Variants in CERS3 observed in about 807,000 individuals in gnomAD.
The protein encoded by CERS3 is ceramide synthase 3.
CERS3 carries 33 observed loss-of-function variants against 50.3 expected under a neutral mutation model. That is an observed-to-expected ratio of 0.66 (90% CI 0.50 to 0.88). The LOEUF (loss-of-function observed/expected upper bound fraction) is 0.88. CERS3 is among the 40% of genes least tolerant of loss of function. The pLI, the probability that CERS3 is intolerant of heterozygous loss-of-function variation, is 0.00. For missense variants in CERS3, 470 were observed against 460.3 expected, an observed-to-expected ratio of 1.02 and a Z score of -0.19; for synonymous variants, 176 against 155.2, an observed-to-expected ratio of 1.13 and a Z score of -0.99.
At chr15:100,473,105 T>A (rs753276178) in intron 8 of CERS3, 53 bp from the exon 9 acceptor site, 11 of 1,544,866 alleles carry the variant, frequency 7.1e-6, no homozygotes, top group Non-Finnish European at 9.6e-6. Flanking sequence ...TATTTCCCAA[T>A]CACTGGAAGA....
At chr15:100,470,463 GGTTGGT>G (rs1314329748) in intron 9 of CERS3, among the ~76,000 whole-genome samples, 8 of 152,184 alleles carry the variant, frequency 5.3e-5, no homozygotes, top group African/African-American at 1.7e-4. Context: ...GACATAGAGA[GGTTGGT>G]GTGCCTGGTG....
At chr15:100,434,780 G>A (rs781737963) in intron 11 of CERS3, among the ~76,000 whole-genome samples, 11 of 152,152 alleles carry the variant, frequency 7.2e-5, no homozygotes, top group South Asian at 2.1e-4. Context: ...CCTGTGCCCC[G>A]GTCTAAAGTT....
At chr15:100,404,915 G>C (rs2030870515) in intron 11 of CERS3, among the ~76,000 whole-genome samples, 1 of 152,190 alleles carries the variant, frequency 6.6e-6, no homozygotes, top group Non-Finnish European at 1.5e-5. Context: ...CTGGACATCT[G>C]TAAGCAAATA....
upstream of CERS3, among the ~76,000 whole-genome samples, chr15:100,530,913 T>G (rs143460611): frequency 3.2e-3 from 494 of 152,022 alleles, 2 homozygotes; most frequent in African/African-American, 0.011. Flanking sequence ...TGAAACCCTA[T>G]CTCTATTAAA....
At chr15:100,517,877 A>C (rs73475738) in intron 2 of CERS3, among the ~76,000 whole-genome samples, 2,710 of 152,316 alleles carry the variant, frequency 0.018, 90 homozygotes, top group African/African-American at 0.062. Context: ...ATATAGTCTC[A>C]ACTGCTTTCT....
At chr15:100,516,408 T>G (rs1471731528) in intron 2 of CERS3, among the ~76,000 whole-genome samples, 1 of 152,176 alleles carries the variant, frequency 6.6e-6, no homozygotes. Flanking sequence ...TCTCTGAATC[T>G]TTGTTTACTG....
intron 2 of CERS3, among the ~76,000 whole-genome samples, chr15:100,513,533 T>C (rs2036406640): frequency 1.7e-5 from 1 of 58,732 alleles, no homozygotes; most frequent in South Asian, 6.0e-4. Context: ...AGTTCTTGTT[T>C]TCTTTTCTTT....
chr15:100,483,800 A>T (rs1284466771), intron 5 of CERS3, among the ~76,000 whole-genome samples: 10 of 4,202 alleles, frequency 2.4e-3, no homozygotes, highest in East Asian at 0.028. Context: ...TTTTTTTTTG[A>T]GACAGAGTCT....
intron 11 of CERS3, among the ~76,000 whole-genome samples, chr15:100,406,269 A>T (rs1000191670): frequency 2.0e-5 from 3 of 152,226 alleles, no homozygotes; most frequent in Admixed American, 1.3e-4. Context: ...CCAGCTTAGA[A>T]AAGAAAAAAA....
intron 2 of CERS3, among the ~76,000 whole-genome samples, chr15:100,502,251 G>GAAAAAAAAAAAAAAA (rs58654483): frequency 1.8e-4 from 20 of 113,696 alleles, no homozygotes; most frequent in African/African-American, 2.7e-4. Flanking sequence ...CTCAAAAAAA[G>GAAAAAAAAAAAAAAA]AAAAAAAAAA....
chr15:100,511,231 G>T (rs1033570029), intron 2 of CERS3, among the ~76,000 whole-genome samples: 3 of 152,140 alleles, frequency 2.0e-5, no homozygotes, highest in Admixed American at 6.5e-5. Context: ...GGAGGTTGTA[G>T]TGAGCCAAGA....
At chr15:100,453,110 A>AG (rs2034233222) in intron 11 of CERS3, among the ~76,000 whole-genome samples, 1 of 152,014 alleles carries the variant, frequency 6.6e-6, no homozygotes, top group African/African-American at 2.4e-5. Flanking sequence ...CTATTCAAAA[A>AG]AAAAAATTAA....
chr15:100,479,217 A>T (rs775356707), intron 7 of CERS3, among the ~76,000 whole-genome samples: 7 of 152,142 alleles, frequency 4.6e-5, no homozygotes, highest in Non-Finnish European at 1.0e-4. Flanking sequence ...TGGTAGATTT[A>T]AACCCAAATA....
chr15:100,534,668 A>C (rs1290955361), intron 1 of CERS3, among the ~76,000 whole-genome samples: 2 of 59,676 alleles, frequency 3.4e-5, no homozygotes, highest in Non-Finnish European at 9.9e-5. Context: ...AAAAGAATGC[A>C]ACTCAAATTG....
chr15:100,517,370 ACCCT>A (rs2036521774), intron 2 of CERS3, among the ~76,000 whole-genome samples: 2 of 152,114 alleles, frequency 1.3e-5, no homozygotes, highest in Non-Finnish European at 2.9e-5. Context: ...TTCCTACAAT[ACCCT>A]GATCAGGGTT....
intron 1 of CERS3, among the ~76,000 whole-genome samples, chr15:100,543,132 G>A (rs1440878418): frequency 6.6e-6 from 1 of 151,936 alleles, no homozygotes; most frequent in Non-Finnish European, 1.5e-5. Context: ...GGCTGGTCTC[G>A]AACTCCTGAC....
chr15:100,420,699 A>C (rs1371588958), intron 11 of CERS3, among the ~76,000 whole-genome samples: 59 of 151,318 alleles, frequency 3.9e-4, no homozygotes, highest in African/African-American at 1.3e-3. Flanking sequence ...TACTGGCAAA[A>C]CGAATCCAGC....
intron 1 of CERS3, among the ~76,000 whole-genome samples, chr15:100,542,438 A>G (rs1194446554): frequency 6.6e-6 from 1 of 152,260 alleles, no homozygotes; most frequent in Non-Finnish European, 1.5e-5. Flanking sequence ...GGCAACCGCC[A>G]CAGTGACCGT....
At chr15:100,444,795 G>C (rs1413092599) in intron 11 of CERS3, among the ~76,000 whole-genome samples, 2 of 152,148 alleles carry the variant, frequency 1.3e-5, no homozygotes, top group African/African-American at 2.4e-5. Flanking sequence ...ACTTTCACTG[G>C]ATAGGTAGAG....
Sources: gnomAD v4.1 joint callset for allele counts (sites outside exome capture counted in the v4.1 genomes callset) on GRCh38, gnomAD v4.1.1 for gene constraint, MANE v1.5 for transcripts, NCBI Gene and HGNC (gene_info 2026-07-23, HGNC 2026-07-21) for gene names.